The following MCCC1 variants were observed in gnomAD, a reference collection of about 807,000 sequenced individuals.
MCCC1 encodes methylcrotonyl-CoA carboxylase subunit 1.
In MCCC1, 64 loss-of-function variants were observed where a neutral mutation model predicts 83.8. The ratio of observed to expected loss-of-function variants is 0.76; its 90% CI spans 0.62 to 0.94. The LOEUF (loss-of-function observed/expected upper bound fraction) is 0.94, where lower values mean the gene tolerates loss of function less well. Among genes scored for constraint, MCCC1 ranks in the 40% least tolerant of loss-of-function variants. The probability of loss-of-function intolerance (pLI) is 0.00; values close to 1 mark genes in which losing one functional copy is unlikely to be tolerated. For synonymous variants in MCCC1, 322 were observed against 315.4 expected, an observed-to-expected ratio of 1.02 and a Z score of -0.22; for missense variants, 807 against 904.7, an observed-to-expected ratio of 0.89 and a Z score of 1.39.
intron 4 of MCCC1, among the ~76,000 whole-genome samples, chr3:183,085,502 G>A (rs1324747106): frequency 6.6e-6 from 1 of 151,874 alleles, no homozygotes; most frequent in Non-Finnish European, 1.5e-5. Context: ...GATGGCATGC[G>A]CCTGTGGTCC....
intron 7 of MCCC1, among the ~76,000 whole-genome samples, chr3:183,058,286 T>C (rs920724158): frequency 6.6e-6 from 1 of 152,144 alleles, no homozygotes; most frequent in Non-Finnish European, 1.5e-5. Flanking sequence ...GGACCATTAG[T>C]ATCTCAGAAA....
intron 16 of MCCC1, among the ~76,000 whole-genome samples, chr3:183,020,810 A>G (rs970650550): frequency 6.6e-6 from 1 of 152,206 alleles, no homozygotes; most frequent in African/African-American, 2.4e-5. Context: ...CTGTAATCCC[A>G]GCACTTTAGG....
chr3:183,064,682 C>T lies in MCCC1; in HGVS notation c.761+6317G>A, dbSNP rs1490836707. On this transcript the variant is annotated intron_variant, in intron 7 of 18. Coordinates refer to ENST00000265594, the MANE Select transcript of MCCC1 (RefSeq NM_020166.5). This position sits in a 1 kb window ranked among gnomAD's most constrained non-coding sequence, Gnocchi z 4.5. ...CGGCCACACTGCCTCGGCCGACCCA[C>T]GTCCTGGCATGGCTGCTGGGCCCAC... Among the ~76,000 whole-genome samples the T allele has an allele frequency of 6.6e-6, 1 of 152,218 alleles. No individual in the cohort carries two copies. Among genetic ancestry groups the T allele is most frequent in the Non-Finnish European group, 1.5e-5 (1 of 68,038 alleles).
intron 3 of MCCC1, among the ~76,000 whole-genome samples, chr3:183,088,299 C>T (rs529106036): frequency 4.9e-4 from 75 of 151,618 alleles, no homozygotes; most frequent in South Asian, 3.5e-3. Context: ...CTCTGCCTCC[C>T]GGGTTCGAGC....
intron 4 of MCCC1, among the ~76,000 whole-genome samples, chr3:183,076,979 A>C (rs1467236844): frequency 6.6e-6 from 1 of 152,234 alleles, no homozygotes; most frequent in Non-Finnish European, 1.5e-5. Context: ...ATGGAATCAT[A>C]TAATACATGC....
At chr3:183,091,707 T>C (rs944379701) in intron 3 of MCCC1, among the ~76,000 whole-genome samples, 1 of 132,892 alleles carries the variant, frequency 7.5e-6, no homozygotes, top group Non-Finnish European at 1.8e-5. Context: ...TGAAGTGACT[T>C]GGCTAAGATC....
chr3:183,036,909 A>G (rs541983667), intron 13 of MCCC1, among the ~76,000 whole-genome samples: 5 of 152,148 alleles, frequency 3.3e-5, no homozygotes, highest in Admixed American at 6.5e-5. Context: ...TCCTGACCTC[A>G]TGATCCAGCC....
At chr3:183,113,814 G>A (rs1478004996) in intron 1 of MCCC1, among the ~76,000 whole-genome samples, 1 of 152,126 alleles carries the variant, frequency 6.6e-6, no homozygotes, top group African/African-American at 2.4e-5. Context: ...TGAGGAGGGA[G>A]TTGTGGAAAT....
chr3:183,053,661 C>T (rs779376416), intron 8 of MCCC1, among the ~76,000 whole-genome samples: 21 of 150,538 alleles, frequency 1.4e-4, no homozygotes, highest in Non-Finnish European at 3.1e-4. Context: ...AAAAATTAGC[C>T]GGGTGTGGTG....
chr3:183,087,120 G>T (rs545238609), intron 3 of MCCC1, among the ~76,000 whole-genome samples: 3 of 152,138 alleles, frequency 2.0e-5, no homozygotes, highest in East Asian at 1.9e-4. Flanking sequence ...TGTATTCAAG[G>T]CCAAAAATTT....
chr3:183,027,242 C>T (rs1311936921), intron 14 of MCCC1, among the ~76,000 whole-genome samples: 1 of 152,162 alleles, frequency 6.6e-6, no homozygotes, highest in Non-Finnish European at 1.5e-5. Flanking sequence ...GTCTCTCTCC[C>T]TCTCTATGGG....
chr3:183,113,694 C>T lies in MCCC1; in HGVS notation c.-102+1780G>A, dbSNP rs1719539373. ...GTCCAACCTGGGTGACAGAAGATGA[C>T]TCTGTCTCAAAAAAAAATAAAAAAA... On this transcript the variant is annotated intron_variant, in intron 1 of 17. Transcript: ENST00000492597. 2.0e-5 allele frequency among the ~76,000 whole-genome samples: 3 copies of T among 151,120 alleles called. No individual in the cohort carries two copies. The South Asian group carries it at 6.2e-4, about 31-fold the overall frequency.
chr3:183,025,731 T>C lies in MCCC1; in HGVS notation c.1731+24A>G, dbSNP rs1233090030. The C allele has an allele frequency of 9.3e-6, 15 of 1,608,670 alleles. No individual in the cohort carries two copies. The South Asian group carries it at 1.4e-4, about 15-fold the overall frequency. On this transcript the variant is annotated intron_variant, in intron 15 of 18. Transcript: ENST00000265594. ...AGCGGTCAGATTCAGCTCTGCACTG[T>C]AGAACAAAACCAGTAAGGCTTACCT...
At position 183,022,410 on chromosome 3, in the gene MCCC1, A is replaced by T. The variant is rs2108441301; in HGVS notation, c.1869+7T>A. The T allele has an allele frequency of 3.7e-6, 6 of 1,613,942 alleles. No individual in the cohort carries two copies. Among genetic ancestry groups the T allele is most frequent in the Non-Finnish European group, 5.1e-6 (6 of 1,179,880 alleles). On this transcript the variant is annotated splice_region_variant and intron_variant, in intron 16 of 18. Transcript: ENST00000265594. ...CCAGGAGGGATATTATAAAGAAGAG[A>T]CATTACCTTGGAAAATAGGTAAATA...
chr3:183,031,073 G>A (rs1468048701), intron 14 of MCCC1, among the ~76,000 whole-genome samples: 1 of 152,180 alleles, frequency 6.6e-6, no homozygotes, highest in Non-Finnish European at 1.5e-5. Context: ...TATCAAGTGT[G>A]GCACCTGCAG....
At chr3:183,102,766 T>G (rs922712145), upstream of MCCC1, among the ~76,000 whole-genome samples, 37 of 62,480 alleles carry the variant, frequency 5.9e-4, no homozygotes, top group African/African-American at 3.6e-3. Context: ...AAGTTTTTTT[T>G]TTTTTTTTTT....
chr3:183,113,408 A>C (rs1414872287), intron 1 of MCCC1, among the ~76,000 whole-genome samples: 1 of 85,520 alleles, frequency 1.2e-5, no homozygotes, highest in African/African-American at 4.7e-5. Flanking sequence ...TACTCCGGGG[A>C]CTGTTGTGGG....
intron 2 of MCCC1, among the ~76,000 whole-genome samples, chr3:183,094,013 A>G (rs1194676610): frequency 6.7e-6 from 1 of 150,242 alleles, no homozygotes; most frequent in Non-Finnish European, 1.5e-5. Context: ...AATGTTCTCC[A>G]TTATTGCCCT....
intron 7 of MCCC1, among the ~76,000 whole-genome samples, chr3:183,066,265 A>G (rs1176080284): frequency 6.6e-6 from 1 of 152,132 alleles, no homozygotes; most frequent in East Asian, 1.9e-4. Context: ...CCATCCACAG[A>G]CAATTGTCTT....
Sources: gnomAD v4.1 joint callset for allele counts (sites outside exome capture counted in the v4.1 genomes callset) on GRCh38, gnomAD v4.1.1 for gene constraint, Gnocchi (gnomAD v3.1) non-coding constraint, MANE v1.5 for transcripts, NCBI Gene and HGNC (gene_info 2026-07-23, HGNC 2026-07-21) for gene names.